Variants in RBPMS observed in about 807,000 individuals in gnomAD.
RBPMS encodes the protein RNA-binding protein with multiple splicing.
A neutral mutation model predicts 26.8 loss-of-function variants in RBPMS; 7 were observed. That is an observed-to-expected ratio of 0.26 (90% confidence interval 0.15 to 0.49). The LOEUF is 0.49. RBPMS is among the 20% of genes least tolerant of loss of function. The pLI is 0.98. For missense variants in RBPMS, 186 were observed against 250.0 expected, an observed-to-expected ratio of 0.74 and a Z score of 1.73; for synonymous variants, 96 against 93.3, an observed-to-expected ratio of 1.03 and a Z score of -0.17.
chr8:30,556,018 C>A (rs1826873338), intron 6 of RBPMS: 8 of 985,466 alleles, frequency 8.1e-6, no homozygotes, highest in Non-Finnish European at 9.6e-6. Flanking sequence ...CAGGGGGGCA[C>A]TGCCCTCTGC....
chr8:30,518,225 AT>A (rs1379393885), intron 5 of RBPMS, among the ~76,000 whole-genome samples: 1 of 152,162 alleles, frequency 6.6e-6, no homozygotes, highest in Non-Finnish European at 1.5e-5. Context: ...TATGTTACAC[AT>A]TCTGTAGGGC....
chr8:30,446,193 G>A (rs1227857266), intron 1 of RBPMS, among the ~76,000 whole-genome samples: 2 of 152,074 alleles, frequency 1.3e-5, no homozygotes, highest in Non-Finnish European at 2.9e-5. Context: ...GTTTTATTAT[G>A]GTAGTTATTC....
At chr8:30,472,445 A>G (rs1817225443) in intron 1 of RBPMS, among the ~76,000 whole-genome samples, 1 of 152,172 alleles carries the variant, frequency 6.6e-6, no homozygotes, top group Admixed American at 6.5e-5. Flanking sequence ...AAGGGGCATG[A>G]ATAAACTTTT....
chr8:30,494,525 GA>G (rs1373249679), intron 4 of RBPMS, among the ~76,000 whole-genome samples: 1 of 152,198 alleles, frequency 6.6e-6, no homozygotes, highest in African/African-American at 2.4e-5. Flanking sequence ...CTGAGACACA[GA>G]AAGGTTAAAC....
At chr8:30,504,138 A>G in intron 4 of RBPMS, 148 bp from the exon 5 acceptor site, 1 of 738,054 alleles carries the variant, frequency 1.4e-6, no homozygotes, top group East Asian at 2.5e-5. Flanking sequence ...GTCATTTTTC[A>G]TGTAACCTGT....
intron 7 of RBPMS, chr8:30,561,991 G>A: frequency 1.0e-6 from 1 of 985,342 alleles, no homozygotes; most frequent in Non-Finnish European, 1.2e-6. Context: ...CCCTCCTTTG[G>A]AAGTACGGCT....
intron 1 of RBPMS, among the ~76,000 whole-genome samples, chr8:30,411,616 G>A (rs1475164392): frequency 2.0e-5 from 3 of 146,394 alleles, no homozygotes; most frequent in East Asian, 2.0e-4. Flanking sequence ...AGTGAGCCGT[G>A]ATTGCACCAC....
In RBPMS at chr8:30,477,806, A is replaced by G. The variant is rs769034863; in HGVS notation, c.152A>G (p.Glu51Gly). 2 of 1,608,884 alleles carry G rather than the reference A, an allele frequency of 1.2e-6. No individual in the cohort carries two copies. Among genetic ancestry groups the G allele is most frequent in the Admixed American group, 3.3e-5 (2 of 59,940 alleles). Residue 51 changes from glutamate to glycine, a missense_variant, in exon 3 of 9, where the codon GAG becomes GGG. Physicochemically the swap from Glu to Gly is moderately conservative, Grantham distance 98. Transcript: ENST00000397323. ...YLLFRPFKGY[E>G]GSLIKLTSKQ... Reference sequence around the variant, plus strand: ...GTTTTTCTTTATTTTCAGGGCTATGAGGGTTCTCTTATAAAGCTCACATCT... The same window carrying G: ...GTTTTTCTTTATTTTCAGGGCTATGGGGGTTCTCTTATAAAGCTCACATCT...
chr8:30,544,173 G>T (rs546345408), intron 5 of RBPMS, among the ~76,000 whole-genome samples: 1 of 152,308 alleles, frequency 6.6e-6, no homozygotes, highest in East Asian at 1.9e-4. Context: ...CGCATTTCCT[G>T]TTTTGTGCAG....
intron 5 of RBPMS, among the ~76,000 whole-genome samples, chr8:30,535,380 G>C (rs942772779): frequency 5.9e-5 from 9 of 152,172 alleles, no homozygotes; most frequent in Non-Finnish European, 1.3e-4. Context: ...TTTCGTATAA[G>C]CAGTAGGTGC....
chr8:30,541,574 T>C (rs1408397029), intron 5 of RBPMS, among the ~76,000 whole-genome samples: 2 of 152,136 alleles, frequency 1.3e-5, no homozygotes, highest in African/African-American at 4.8e-5. Context: ...TCTGCCCTCT[T>C]TCTGCTTACT....
At chr8:30,436,346 A>C (rs1312430269) in intron 1 of RBPMS, among the ~76,000 whole-genome samples, 1 of 152,078 alleles carries the variant, frequency 6.6e-6, no homozygotes, top group Non-Finnish European at 1.5e-5. Flanking sequence ...TATGATTTCT[A>C]CCTTGTTGAA....
chr8:30,556,250 G>A, intron 6 of RBPMS: 1 of 985,438 alleles, frequency 1.0e-6, no homozygotes, highest in Non-Finnish European at 1.2e-6. Context: ...CCTCAGCTGA[G>A]CACAGCCTCC....
chr8:30,434,697 C>T (rs1381707380), intron 1 of RBPMS, among the ~76,000 whole-genome samples: 1 of 140,454 alleles, frequency 7.1e-6, no homozygotes, highest in Non-Finnish European at 1.5e-5. Context: ...GAGCGAGACT[C>T]TGCCTCGAAA....
At chr8:30,555,903 T>G in intron 6 of RBPMS, 3 of 985,230 alleles carry the variant, frequency 3.0e-6, no homozygotes, top group Non-Finnish European at 3.6e-6. Context: ...CGGAGCAGCT[T>G]GTTCCCCCCC....
At position 30,570,690 on chromosome 8, in the gene RBPMS, T is replaced by TATCA. The variant is rs1449156771; in HGVS notation, c.*166_*169dup. ...CCCTTCAAGACTTTGTCACAGCCTCTATCACACATCTGTTTTTCTCGAAGA... is the reference window on the plus strand; with the variant it reads ...CCCTTCAAGACTTTGTCACAGCCTCTATCAATCACACATCTGTTTTTCTCGAAGA... On this transcript the variant is annotated 3_prime_UTR_variant, in exon 9 of 9. Coordinates refer to ENST00000397323, the MANE Select transcript of RBPMS (RefSeq NM_001008710.3). The TATCA allele has an allele frequency of 1.3e-5, 2 of 152,644 alleles. No individual in the cohort carries two copies. Among genetic ancestry groups the TATCA allele is most frequent in the East Asian group, 1.9e-4 (1 of 5,200 alleles). 9.5% of individuals were successfully genotyped at this position (152,644 alleles called of 1,614,324 possible).
chr8:30,426,842 GAAAACACACACAGACATACAC>G lies in RBPMS; in HGVS notation c.66+41686_66+41706del, dbSNP rs1563308220. On this transcript the variant is annotated intron_variant, in intron 1 of 8. Coordinates refer to ENST00000397323, the MANE Select transcript of RBPMS (RefSeq NM_001008710.3). ...GTGAAGCCTGTGGGCATCCTCCCCA[GAAAACACACACAGACATACAC>G]ACAATGTTTTGTTCATGGGTCTTTA... Among the ~76,000 whole-genome samples the G allele has an allele frequency of 5.3e-3, 805 of 152,212 alleles. 10 individuals carry two copies. Among genetic ancestry groups the G allele is most frequent in the African/African-American group, 0.018 (761 of 41,520 alleles).
intron 1 of RBPMS, among the ~76,000 whole-genome samples, chr8:30,421,415 C>G (rs769342673): frequency 6.6e-6 from 1 of 152,166 alleles, no homozygotes; most frequent in African/African-American, 2.4e-5. Flanking sequence ...GGAATTATGT[C>G]ACTACTTTGT....
chr8:30,455,435 T>A (rs200368748), intron 1 of RBPMS, among the ~76,000 whole-genome samples: 4 of 150,672 alleles, frequency 2.7e-5, no homozygotes, highest in Admixed American at 1.3e-4. Context: ...GTGAAACAAT[T>A]AAAAAAAAAG....
Sources: gnomAD v4.1 joint callset for allele counts (sites outside exome capture counted in the v4.1 genomes callset) on GRCh38, gnomAD v4.1.1 for gene constraint, MANE v1.5 for transcripts, NCBI Gene and HGNC (gene_info 2026-07-23, HGNC 2026-07-21) for gene names.